The following THEMIS variants were observed in gnomAD, a reference collection of about 807,000 sequenced individuals.
THEMIS encodes protein THEMIS.
THEMIS carries 37 observed loss-of-function variants against 52.6 expected under a neutral mutation model. The observed-to-expected ratio is 0.70, with a 90% CI of 0.54 to 0.93. The LOEUF is 0.93. Ranked by LOEUF, THEMIS falls within the 40% of genes least tolerant of loss-of-function variation. The probability of loss-of-function intolerance (pLI) is 0.00; values close to 1 mark genes in which losing one functional copy is unlikely to be tolerated. For missense variants in THEMIS, 808 were observed against 763.1 expected, an observed-to-expected ratio of 1.06 and a Z score of -0.69; for synonymous variants, 292 against 272.7, an observed-to-expected ratio of 1.07 and a Z score of -0.70.
At chr6:127,865,286 G>A (rs1479851822) in intron 1 of THEMIS, among the ~76,000 whole-genome samples, 1 of 152,070 alleles carries the variant, frequency 6.6e-6, no homozygotes, top group East Asian at 1.9e-4. Context: ...AGTGGCCAAA[G>A]GTCCAAAGTA....
chr6:127,819,396 A>T (rs1184210203), intron 3 of THEMIS, among the ~76,000 whole-genome samples: 1 of 152,140 alleles, frequency 6.6e-6, no homozygotes, highest in Non-Finnish European at 1.5e-5. Flanking sequence ...TAAAAGAAAC[A>T]TTTGCATTAA....
chr6:127,753,535 C>T (rs1775719461), intron 4 of THEMIS, among the ~76,000 whole-genome samples: 1 of 151,612 alleles, frequency 6.6e-6, no homozygotes, highest in African/African-American at 2.4e-5. Flanking sequence ...TAAAAGATAT[C>T]TACATTAATG....
At chr6:127,797,765 C>T (rs1777379349) in intron 4 of THEMIS, among the ~76,000 whole-genome samples, 1 of 152,218 alleles carries the variant, frequency 6.6e-6, no homozygotes, top group Non-Finnish European at 1.5e-5. Context: ...TTGCTAACTT[C>T]TCAATGTTTC....
chr6:127,713,411 A>G (rs765444487), intron 5 of THEMIS, among the ~76,000 whole-genome samples: 2 of 151,830 alleles, frequency 1.3e-5, no homozygotes, highest in Non-Finnish European at 2.9e-5. Context: ...TCATTTTTGT[A>G]TTCAAGAAAT....
chr6:127,736,319 A>T (rs796421198), intron 4 of THEMIS, among the ~76,000 whole-genome samples: 6 of 152,140 alleles, frequency 3.9e-5, no homozygotes, highest in African/African-American at 9.7e-5. Flanking sequence ...TGTCTCTCTC[A>T]CACACACAGA....
At chr6:127,780,895 T>C (rs939007221) in intron 4 of THEMIS, among the ~76,000 whole-genome samples, 6 of 152,266 alleles carry the variant, frequency 3.9e-5, no homozygotes, top group Admixed American at 2.0e-4. Flanking sequence ...TCGAGGAGTG[T>C]CTTTGTGGTG....
chr6:127,723,857 G>T (rs1257992912), intron 4 of THEMIS, among the ~76,000 whole-genome samples: 4 of 151,966 alleles, frequency 2.6e-5, no homozygotes, highest in Non-Finnish European at 5.9e-5. Context: ...AATAATAGCT[G>T]TTTTCATGTT....
At chr6:127,864,479 G>C (rs978968554) in intron 1 of THEMIS, among the ~76,000 whole-genome samples, 2 of 152,070 alleles carry the variant, frequency 1.3e-5, no homozygotes, top group Admixed American at 1.3e-4. Flanking sequence ...CTATCTTCTG[G>C]GAGAGTGCCA....
intron 5 of THEMIS, among the ~76,000 whole-genome samples, chr6:127,713,643 C>G (rs1177096315): frequency 2.0e-5 from 3 of 151,972 alleles, no homozygotes; most frequent in Non-Finnish European, 4.4e-5. Context: ...AGAAGGTAAC[C>G]ATTGAATAAA....
chr6:127,707,659 A>C (rs538984595), downstream of THEMIS, among the ~76,000 whole-genome samples: 21 of 152,126 alleles, frequency 1.4e-4, no homozygotes, highest in Non-Finnish European at 2.8e-4. Flanking sequence ...AGTCCAGCCT[A>C]CCGGGGTTAT....
Position 127,813,454 on chromosome 6 carries a change from G to T in THEMIS, c.1187C>A (p.Thr396Lys), listed in dbSNP as rs1403938167. Residue 396 changes from threonine to lysine, a missense_variant, in exon 4 of 6, where the codon ACG (threonine) becomes AAG (lysine). By Grantham distance (78) the Thr-to-Lys change is moderately conservative. Transcript: ENST00000368248. ...GDQFLVHQSE[T>K]TEVLCEGIKK... ...TATTCCCTCACAGAGGACTTCAGTC[G>T]TCTCTGACTGATGCACCAGAAACTG... 2 of 1,613,814 alleles carry T rather than the reference G, an allele frequency of 1.2e-6. No individual in the cohort carries two copies. The highest frequency in any genetic ancestry group is 2.2e-5 in the East Asian group (1 of 44,880).
At chr6:127,891,451 GCTT>G (rs1780802893) in intron 1 of THEMIS, among the ~76,000 whole-genome samples, 2 of 149,302 alleles carry the variant, frequency 1.3e-5, no homozygotes, top group Non-Finnish European at 3.0e-5. Flanking sequence ...CAGGAAAATC[GCTT>G]GAATCCGGGA....
chr6:127,902,630 T>C (rs1781171181), upstream of THEMIS, among the ~76,000 whole-genome samples: 1 of 152,110 alleles, frequency 6.6e-6, no homozygotes. Context: ...CTTCATTTCT[T>C]TCTTTATAAA....
intron 4 of THEMIS, 90 bp from the exon 5 acceptor site, chr6:127,719,913 T>C: frequency 2.7e-6 from 4 of 1,499,782 alleles, no homozygotes; most frequent in East Asian, 2.3e-5. Flanking sequence ...AATTCATTTC[T>C]GTATGTCTGA....
intron 4 of THEMIS, among the ~76,000 whole-genome samples, chr6:127,771,038 A>C (rs906348657): frequency 2.0e-5 from 3 of 152,198 alleles, no homozygotes; most frequent in Non-Finnish European, 2.9e-5. Flanking sequence ...GTCTCAGCCC[A>C]AAATCTCCTT....
At chr6:127,807,296 G>T (rs1318703805) in intron 4 of THEMIS, 4 of 230,354 alleles carry the variant, frequency 1.7e-5, no homozygotes, top group Admixed American at 1.2e-4. Flanking sequence ...GGAGGCAGAG[G>T]TTGCAGCGAG....
downstream of THEMIS, among the ~76,000 whole-genome samples, chr6:127,704,518 A>G (rs1773775624): frequency 1.3e-5 from 2 of 152,248 alleles, no homozygotes; most frequent in Non-Finnish European, 2.9e-5. Context: ...ATTTTATCAC[A>G]GAACTACACA....
chr6:127,869,124 A>G (rs1780074895), intron 1 of THEMIS, among the ~76,000 whole-genome samples: 2 of 152,218 alleles, frequency 1.3e-5, no homozygotes, highest in African/African-American at 2.4e-5. Flanking sequence ...TATTTATTAA[A>G]CTATTCAATG....
intron 2 of THEMIS, among the ~76,000 whole-genome samples, chr6:127,844,288 A>G (rs1457179083): frequency 2.0e-5 from 3 of 151,928 alleles, no homozygotes; most frequent in Non-Finnish European, 2.9e-5. Flanking sequence ...GAAAAGTTTT[A>G]TATGTAAAAA....
Sources: allele counts gnomAD v4.1 joint callset (sites outside exome capture counted in the v4.1 genomes callset), GRCh38; gene constraint gnomAD v4.1.1; transcripts MANE v1.5; gene names NCBI Gene and HGNC (gene_info 2026-07-23, HGNC 2026-07-21).